The following NTMT1 variants were observed in gnomAD, a reference collection of about 807,000 sequenced individuals.
NTMT1 encodes N-terminal Xaa-Pro-Lys N-methyltransferase 1, also known as N-terminal RCC1 methyltransferase.
In NTMT1, 8 loss-of-function variants were observed where a neutral mutation model predicts 17.5. That is an observed-to-expected ratio of 0.46 (90% CI 0.27 to 0.82). NTMT1 has a LOEUF of 0.82. Ranked by LOEUF, NTMT1 falls within the 40% of genes least tolerant of loss-of-function variation. The probability of loss-of-function intolerance (pLI) is 0.15; values close to 1 mark genes in which losing one functional copy is unlikely to be tolerated. For synonymous variants in NTMT1, 128 were observed against 126.8 expected (o/e 1.01, Z -0.06); for missense variants, 221 against 303.5 (o/e 0.73, Z 2.02).
chr9:129,622,671 G>C (rs1038415008), upstream of NTMT1, among the ~76,000 whole-genome samples: 13 of 151,914 alleles, frequency 8.6e-5, no homozygotes, highest in Non-Finnish European at 1.2e-4. Context: ...AGCTAAACAT[G>C]AGCTCATGCT....
upstream of NTMT1, among the ~76,000 whole-genome samples, chr9:129,622,010 C>T (rs893946493): frequency 2.6e-5 from 4 of 152,206 alleles, no homozygotes; most frequent in Non-Finnish European, 4.4e-5. Context: ...GCAGTGGGCA[C>T]TGAGGCCTGG....
intron 1 of NTMT1, 22 bp from the exon 2 acceptor site, chr9:129,632,628 T>C (rs2118960883): frequency 1.3e-6 from 2 of 1,573,876 alleles, no homozygotes; most frequent in East Asian, 2.2e-5. Flanking sequence ...GCCCGCTGAC[T>C]CACGCCCCCT....
chr9:129,620,515 G>T lies in NTMT1; in HGVS notation c.-55+11337G>T. Reference sequence around the variant, plus strand: ...CGCTGCTGCGTCGGAAGTCTCCGTCGCCAGGGAGCCCCTTGGGCGCCAGGT... The same window carrying T: ...CGCTGCTGCGTCGGAAGTCTCCGTCTCCAGGGAGCCCCTTGGGCGCCAGGT... On this transcript the variant is annotated intron_variant, in intron 1 of 3. Transcript: ENST00000372486. The surrounding 1 kb of genome is among the most constrained non-coding windows in gnomAD (Gnocchi z 5.8). 2 of 1,441,398 alleles carry T rather than the reference G, an allele frequency of 1.4e-6. No homozygotes were observed. The highest frequency in any genetic ancestry group is 1.4e-5 in the South Asian group (1 of 71,412). The allele number at this position is 1,441,398 out of a possible 1,614,324, so 89.3% of individuals were successfully genotyped here.
In NTMT1 at chr9:129,613,832, G is replaced by A. The variant is rs1447567787; in HGVS notation, c.-55+4654G>A. ...CCTGCGCACCCCCACTCACGCTGCA[G>A]CCGGAAGCGTGCCCCCTTTCTCGCA... On this transcript the variant is annotated intron_variant, in intron 1 of 3. Coordinates refer to the NTMT1 transcript ENST00000372486. The surrounding 1 kb of genome is among the most constrained non-coding windows in gnomAD (Gnocchi z 6.2). Among the ~76,000 whole-genome samples the A allele has an allele frequency of 6.6e-6, 1 of 152,204 alleles. No homozygotes were observed. Among genetic ancestry groups the A allele is most frequent in the Non-Finnish European group, 1.5e-5 (1 of 68,038 alleles).
At chr9:129,627,886 TGCCG>T (rs1830973118) in intron 1 of NTMT1, among the ~76,000 whole-genome samples, 1 of 152,226 alleles carries the variant, frequency 6.6e-6, no homozygotes, top group African/African-American at 2.4e-5. Context: ...TGCAAAAGTC[TGCCG>T]GTGACAGTTT....
intron 1 of NTMT1, among the ~76,000 whole-genome samples, chr9:129,630,506 A>T (rs1230437549): frequency 6.6e-6 from 1 of 152,140 alleles, no homozygotes; most frequent in Non-Finnish European, 1.5e-5. Context: ...TGCTTCCCAA[A>T]GGCCTCGTGC....
intron 1 of NTMT1, chr9:129,619,894 C>T: frequency 6.4e-7 from 1 of 1,569,266 alleles, no homozygotes; most frequent in South Asian, 1.1e-5. Context: ...GTCATGTGGC[C>T]TCGGGGTGAT....
chr9:129,633,782 A>G (rs984866498), intron 2 of NTMT1: 1 of 373,818 alleles, frequency 2.7e-6, no homozygotes, highest in African/African-American at 2.1e-5. Context: ...ACAGTGAGCC[A>G]TGATCCCACC....
upstream of NTMT1, among the ~76,000 whole-genome samples, chr9:129,624,251 A>G (rs915873437): frequency 6.6e-6 from 1 of 152,136 alleles, no homozygotes; most frequent in Non-Finnish European, 1.5e-5. Flanking sequence ...GGCTGTGGGG[A>G]AGGGGCTTGC....
intron 1 of NTMT1, among the ~76,000 whole-genome samples, chr9:129,631,686 G>A (rs1037120677): frequency 2.6e-5 from 4 of 152,190 alleles, no homozygotes; most frequent in Non-Finnish European, 2.9e-5. Flanking sequence ...ACTGGCAGCC[G>A]CGAGGGCTGT....
intron 1 of NTMT1, among the ~76,000 whole-genome samples, chr9:129,616,943 G>A (rs981988183): frequency 6.6e-6 from 1 of 152,074 alleles, no homozygotes; most frequent in Non-Finnish European, 1.5e-5. Flanking sequence ...GCACGGTGGC[G>A]TGCGCCTGTA....
In NTMT1 at chr9:129,613,070, C is replaced by T. The variant is rs757602996; in HGVS notation, c.-55+3892C>T. The T allele has an allele frequency of 5.0e-6, 8 of 1,612,154 alleles. No individual in the cohort carries two copies. In the Admixed American group the frequency reaches 1.3e-4, roughly 27 times the overall value. On this transcript the variant is annotated intron_variant, in intron 1 of 3. Transcript: ENST00000372486. This position sits in a 1 kb window ranked among gnomAD's most constrained non-coding sequence, Gnocchi z 6.2. ...GGAGCCAGCTGCCAGCAGGGGCTCA[C>T]CAGCTTCTAGGTCCAGGAGCAAGAC...
chr9:129,631,984 C>G (rs1181360826), intron 1 of NTMT1, among the ~76,000 whole-genome samples: 1 of 152,184 alleles, frequency 6.6e-6, no homozygotes, highest in Admixed American at 6.5e-5. Context: ...GAGGACTGGA[C>G]CCCACCGTGA....
chr9:129,619,242 G>C (rs181326070), intron 1 of NTMT1, among the ~76,000 whole-genome samples: 57 of 152,302 alleles, frequency 3.7e-4, no homozygotes, highest in Admixed American at 1.3e-4. Flanking sequence ...TGCAAAGATG[G>C]ATGGGTGAAT....
At chr9:129,623,332 C>CA (rs756768206), upstream of NTMT1, among the ~76,000 whole-genome samples, 12 of 10,684 alleles carry the variant, frequency 1.1e-3, no homozygotes, top group South Asian at 0.031. Context: ...GATTCCATCT[C>CA]AAAAAAAAAA....
chr9:129,613,134 G>C lies in NTMT1; in HGVS notation c.-55+3956G>C, dbSNP rs1016248225. 3 of 1,613,830 alleles carry C rather than the reference G, an allele frequency of 1.9e-6. No homozygotes were observed. In the African/African-American group the frequency reaches 4.0e-5, roughly 22 times the overall value. On this transcript the variant is annotated intron_variant, in intron 1 of 3. Coordinates refer to the NTMT1 transcript ENST00000372486. This position sits in a 1 kb window ranked among gnomAD's most constrained non-coding sequence, Gnocchi z 6.2. ...GCTCCAGGTTTCTGTGCGGGTCCAA[G>C]AAGGCTCGGAGGCTGCTTCGCGGCC...
chr9:129,620,267 G>GGCGGCAGCAGGGACC lies in NTMT1; in HGVS notation c.-55+11092_-55+11106dup, dbSNP rs1830618957. On this transcript the variant is annotated intron_variant, in intron 1 of 3. Transcript: ENST00000372486. The surrounding 1 kb of genome is among the most constrained non-coding windows in gnomAD (Gnocchi z 5.8). ...GGACGCGCCGGCCGACAGCAGGGGAGGCGGCAGCAGGGACCGCAGCAGCCC... is the reference window on the plus strand; with the variant it reads ...GGACGCGCCGGCCGACAGCAGGGGAGGCGGCAGCAGGGACCGCGGCAGCAGGGACCGCAGCAGCCC... 2.3e-6 allele frequency: 3 copies of GGCGGCAGCAGGGACC among 1,313,914 alleles called. No individual in the cohort carries two copies. The East Asian group carries it at 9.2e-5, about 40-fold the overall frequency. 81.4% of individuals were successfully genotyped at this position (1,313,914 alleles called of 1,614,324 possible).
Position 129,615,130 on chromosome 9 carries a change from C to T in NTMT1, c.-55+5952C>T, listed in dbSNP as rs374930048. 8.5e-5 allele frequency among the ~76,000 whole-genome samples: 13 copies of T among 152,352 alleles called. No homozygotes were observed. In the South Asian group the frequency reaches 2.5e-3, roughly 29 times the overall value. On this transcript the variant is annotated intron_variant, in intron 1 of 3. Transcript: ENST00000372486. The stretch of plus-strand genomic sequence containing the variant: ...GCTTCCAATGGCATCTGGACCTCCT[C>T]CAGCCCCTGTAGGCTGTGGGGACTG...
upstream of NTMT1, among the ~76,000 whole-genome samples, chr9:129,621,330 A>T (rs1395725415): frequency 6.6e-6 from 1 of 152,088 alleles, no homozygotes; most frequent in African/African-American, 2.4e-5. Flanking sequence ...TGGAGCCAAG[A>T]CAGTTTGTTG....
Sources: gnomAD v4.1 joint callset for allele counts (sites outside exome capture counted in the v4.1 genomes callset) on GRCh38, gnomAD v4.1.1 for gene constraint, Gnocchi (gnomAD v3.1) non-coding constraint, MANE v1.5 for transcripts, NCBI Gene and HGNC (gene_info 2026-07-23, HGNC 2026-07-21) for gene names.